The following EXOC4 variants were observed in gnomAD, a reference collection of about 807,000 sequenced individuals.
EXOC4 encodes the protein SEC8-like 1.
Under a neutral mutation model 107.2 loss-of-function variants are expected in EXOC4, and 71 were observed. That is an observed-to-expected ratio of 0.66 (90% CI 0.55 to 0.81). The LOEUF (loss-of-function observed/expected upper bound fraction) is 0.81. Ranked by LOEUF, EXOC4 falls within the 30% of genes least tolerant of loss-of-function variation. EXOC4 has a pLI of 0.00. For synonymous variants in EXOC4, 456 were observed against 441.2 expected, an observed-to-expected ratio of 1.03 and a Z score of -0.42; for missense variants, 1,108 against 1,189.6, an observed-to-expected ratio of 0.93 and a Z score of 1.01.
chr7:133,827,311 T>C (rs1037537409), intron 11 of EXOC4, among the ~76,000 whole-genome samples: 1 of 152,188 alleles, frequency 6.6e-6, no homozygotes, highest in African/African-American at 2.4e-5. Context: ...TATGATCAAA[T>C]TGAATTTCCA....
At chr7:133,758,728 G>A (rs1487164021) in intron 10 of EXOC4, among the ~76,000 whole-genome samples, 8 of 152,184 alleles carry the variant, frequency 5.3e-5, no homozygotes, top group Non-Finnish European at 1.0e-4. Flanking sequence ...GTGTGTATGT[G>A]TACATCATAG....
At chr7:134,088,802 C>T in the EXOC4 span, among the ~76,000 whole-genome samples, 1 of 152,062 alleles carries the variant, frequency 6.6e-6, no homozygotes, top group Non-Finnish European at 1.5e-5. Flanking sequence ...AATTTGGTTA[C>T]CTCTGTGGCA....
At chr7:134,007,020 AGTCAACAGTTAAT>A (rs1794657637) in intron 16 of EXOC4, among the ~76,000 whole-genome samples, 1 of 152,196 alleles carries the variant, frequency 6.6e-6, no homozygotes, top group Admixed American at 6.5e-5. Context: ...TCTCACGGGA[AGTCAACAGTTAAT>A]GTATGATCTG....
At chr7:133,776,566 C>T (rs1796349419) in intron 10 of EXOC4, among the ~76,000 whole-genome samples, 1 of 152,142 alleles carries the variant, frequency 6.6e-6, no homozygotes, top group Non-Finnish European at 1.5e-5. Flanking sequence ...TCAGTGTGGA[C>T]ACGAGTCATT....
At chr7:133,669,925 C>A (rs560233767) in intron 10 of EXOC4, among the ~76,000 whole-genome samples, 1 of 152,224 alleles carries the variant, frequency 6.6e-6, no homozygotes, top group East Asian at 1.9e-4. Flanking sequence ...CCTAATCTGG[C>A]ATTGTAGCTG....
At chr7:133,458,364 A>G (rs951156725) in intron 7 of EXOC4, among the ~76,000 whole-genome samples, 1 of 152,214 alleles carries the variant, frequency 6.6e-6, no homozygotes, top group Admixed American at 6.5e-5. Flanking sequence ...TGATGACACT[A>G]TAATTGATCA....
At chr7:133,399,145 A>G (rs1279881057) in intron 7 of EXOC4, among the ~76,000 whole-genome samples, 1 of 152,214 alleles carries the variant, frequency 6.6e-6, no homozygotes, top group Non-Finnish European at 1.5e-5. Context: ...GGTGAAAGTG[A>G]TTAATAGCTT....
chr7:133,484,377 C>T (rs1009214218), intron 9 of EXOC4, among the ~76,000 whole-genome samples: 1 of 152,088 alleles, frequency 6.6e-6, no homozygotes, highest in Non-Finnish European at 1.5e-5. Context: ...TCATAGGCTT[C>T]CTGTGGTTTT....
intron 14 of EXOC4, among the ~76,000 whole-genome samples, chr7:133,961,323 G>C (rs1187712253): frequency 1.8e-5 from 2 of 113,388 alleles, no homozygotes; most frequent in Non-Finnish European, 3.3e-5. Context: ...GTGTTGCTCT[G>C]TTGCCCAGGC....
chr7:133,731,551 A>G (rs55842945), intron 10 of EXOC4, among the ~76,000 whole-genome samples: 11,448 of 152,218 alleles, frequency 0.075, 503 homozygotes, highest in Middle Eastern at 0.13. Context: ...TAAAGAGATA[A>G]ATAAAATAGT....
chr7:133,530,606 A>G (rs1420958191), intron 9 of EXOC4, among the ~76,000 whole-genome samples: 1 of 152,220 alleles, frequency 6.6e-6, no homozygotes, highest in South Asian at 2.1e-4. Context: ...GCACACAACT[A>G]TACATTTATC....
At chr7:133,741,602 C>T (rs1490985002) in intron 10 of EXOC4, among the ~76,000 whole-genome samples, 1 of 152,114 alleles carries the variant, frequency 6.6e-6, no homozygotes, top group Non-Finnish European at 1.5e-5. Flanking sequence ...GAAAATGTTT[C>T]CTGAACTTCT....
intron 9 of EXOC4, among the ~76,000 whole-genome samples, chr7:133,546,976 C>A (rs1303936725): frequency 5.9e-5 from 9 of 152,066 alleles, no homozygotes; most frequent in African/African-American, 1.9e-4. Context: ...GAGGAAAAAC[C>A]CACAAAAATT....
chr7:133,488,198 A>C (rs1233945633), intron 9 of EXOC4, among the ~76,000 whole-genome samples: 1 of 152,344 alleles, frequency 6.6e-6, no homozygotes, highest in South Asian at 2.1e-4. Context: ...AAAATTCAGA[A>C]GAAATTTATG....
chr7:133,541,815 A>G (rs1350407306), intron 9 of EXOC4, among the ~76,000 whole-genome samples: 3 of 152,098 alleles, frequency 2.0e-5, no homozygotes, highest in Admixed American at 2.0e-4. Context: ...GCAGAATGAT[A>G]GATTTAAAAA....
intron 5 of EXOC4, among the ~76,000 whole-genome samples, chr7:133,318,237 A>G (rs931736568): frequency 1.3e-5 from 2 of 152,198 alleles, no homozygotes; most frequent in East Asian, 1.9e-4. Flanking sequence ...GAGATATCCA[A>G]TATCCTATTG....
chr7:133,820,724 A>T (rs1396075140), intron 11 of EXOC4, among the ~76,000 whole-genome samples: 1 of 152,222 alleles, frequency 6.6e-6, no homozygotes, highest in Non-Finnish European at 1.5e-5. Flanking sequence ...GGCAACACCC[A>T]GTGTCACACA....
At chr7:133,959,164 G>A (rs897492405) in intron 14 of EXOC4, among the ~76,000 whole-genome samples, 2 of 152,124 alleles carry the variant, frequency 1.3e-5, no homozygotes, top group Admixed American at 6.5e-5. Context: ...TGAGCAGACA[G>A]CCAAGAAGAG....
the EXOC4 span, among the ~76,000 whole-genome samples, chr7:134,085,417 ACTG>A: frequency 2.6e-5 from 4 of 152,206 alleles, no homozygotes; most frequent in Non-Finnish European, 4.4e-5. Context: ...TGCAAGAAAA[ACTG>A]CTGAATCTTG....
Sources: gnomAD v4.1 joint callset for allele counts (sites outside exome capture counted in the v4.1 genomes callset) on GRCh38, gnomAD v4.1.1 for gene constraint, MANE v1.5 for transcripts, NCBI Gene and HGNC (gene_info 2026-07-23, HGNC 2026-07-21) for gene names.